The following EBF1 variants were observed in gnomAD, a reference collection of about 807,000 sequenced individuals.
EBF1 encodes transcription factor COE1.
EBF1 carries 10 observed loss-of-function variants against 68.4 expected under a neutral mutation model. The observed-to-expected ratio is 0.15, with a 90% confidence interval of 0.09 to 0.25. The LOEUF is 0.25. Among genes scored for constraint, EBF1 ranks in the 10% least tolerant of loss-of-function variants. EBF1 has a pLI of 1.00. For synonymous variants in EBF1, 298 were observed against 299.8 expected, an observed-to-expected ratio of 0.99 and a Z score of 0.06; for missense variants, 509 against 794.4, an observed-to-expected ratio of 0.64 and a Z score of 4.32.
At position 158,727,246 on chromosome 5, in the gene EBF1, C is replaced by T. The variant is rs115907251; in HGVS notation, c.1125+3823G>A. ...TAGGATTCACAGCTGACACGCCTGA[C>T]GCCAGCTAAGCTCAGGGCTCACTCT... On this transcript the variant is annotated intron_variant, in intron 11 of 15. Coordinates refer to ENST00000313708, the MANE Select transcript of EBF1 (RefSeq NM_024007.5). 7.0e-3 allele frequency among the ~76,000 whole-genome samples: 1,069 copies of T among 152,286 alleles called. 5 individuals are homozygous for T. The highest frequency in any genetic ancestry group is 0.016 in the African/African-American group (648 of 41,560).
chr5:159,081,075 G>C (rs1392681838), intron 5 of EBF1, among the ~76,000 whole-genome samples: 1 of 152,108 alleles, frequency 6.6e-6, no homozygotes, highest in African/African-American at 2.4e-5. Flanking sequence ...GGATCTCCTG[G>C]GCTCAAGCGA....
intron 8 of EBF1, among the ~76,000 whole-genome samples, chr5:158,822,388 C>T (rs984270819): frequency 2.0e-5 from 3 of 152,204 alleles, no homozygotes; most frequent in Non-Finnish European, 4.4e-5. Context: ...ATATATTACA[C>T]ACACACATGC....
intron 6 of EBF1, among the ~76,000 whole-genome samples, chr5:158,879,295 A>C (rs1218469557): frequency 1.3e-5 from 2 of 152,198 alleles, no homozygotes; most frequent in Non-Finnish European, 1.5e-5. Flanking sequence ...ATATGATTCT[A>C]CCATACACAG....
intron 6 of EBF1, among the ~76,000 whole-genome samples, chr5:159,057,400 G>A (rs940129505): frequency 3.9e-5 from 6 of 152,106 alleles, no homozygotes; most frequent in African/African-American, 7.2e-5. Flanking sequence ...GAGCCACCGC[G>A]CCTGACGGAC....
intron 10 of EBF1, among the ~76,000 whole-genome samples, chr5:158,767,708 G>A (rs1773045983): frequency 6.6e-6 from 1 of 152,002 alleles, no homozygotes; most frequent in Non-Finnish European, 1.5e-5. Flanking sequence ...TGAAAAAAAA[G>A]GTGTGGAATA....
chr5:158,963,655 T>G (rs1451708931), intron 6 of EBF1, among the ~76,000 whole-genome samples: 2 of 152,164 alleles, frequency 1.3e-5, no homozygotes, highest in Non-Finnish European at 2.9e-5. Context: ...CCTTTGTAAC[T>G]TGGGTAGGAA....
chr5:159,024,880 C>T (rs1198417254), intron 6 of EBF1, among the ~76,000 whole-genome samples: 1 of 152,196 alleles, frequency 6.6e-6, no homozygotes, highest in Non-Finnish European at 1.5e-5. Flanking sequence ...GGCCAGCCAT[C>T]AACCAGTTAA....
At chr5:159,050,464 G>A (rs1773362170) in intron 6 of EBF1, among the ~76,000 whole-genome samples, 1 of 152,172 alleles carries the variant, frequency 6.6e-6, no homozygotes, top group Admixed American at 6.5e-5. Context: ...TGTACGTGGT[G>A]TGGGTGTGAT....
chr5:159,048,978 A>G (rs10515786), intron 6 of EBF1, among the ~76,000 whole-genome samples: 53,624 of 152,108 alleles, frequency 0.35, 10,116 homozygotes, highest in East Asian at 0.51. Flanking sequence ...CTTCTTCACA[A>G]GTAGTAAAAA....
intron 6 of EBF1, among the ~76,000 whole-genome samples, chr5:158,948,261 G>A (rs1815250018): frequency 6.6e-6 from 1 of 152,084 alleles, no homozygotes. Context: ...ATGTAGGGGA[G>A]GCCCGAGGGC....
At chr5:158,937,627 CAACCT>C (rs965213009) in intron 6 of EBF1, among the ~76,000 whole-genome samples, 2 of 152,202 alleles carry the variant, frequency 1.3e-5, no homozygotes, top group Admixed American at 1.3e-4. Flanking sequence ...AATATCAGGG[CAACCT>C]TCTTAAGAGC....
intron 15 of EBF1, among the ~76,000 whole-genome samples, chr5:158,700,882 C>T (rs1022724099): frequency 1.3e-5 from 2 of 152,144 alleles, no homozygotes; most frequent in African/African-American, 4.8e-5. Context: ...CAAACGCAGA[C>T]CAACTTAAAC....
At chr5:158,761,905 T>C (rs773477071) in intron 10 of EBF1, among the ~76,000 whole-genome samples, 1 of 152,222 alleles carries the variant, frequency 6.6e-6, no homozygotes, top group Non-Finnish European at 1.5e-5. Context: ...TATGGAACTT[T>C]ATAAGAATAG....
At chr5:158,858,945 T>C (rs17056318) in intron 6 of EBF1, among the ~76,000 whole-genome samples, 8,020 of 152,234 alleles carry the variant, frequency 0.053, 293 homozygotes, top group Non-Finnish European at 0.071. Flanking sequence ...TCTTGGCTCC[T>C]TAGACAGTGA....
intron 6 of EBF1, among the ~76,000 whole-genome samples, chr5:158,906,019 G>A (rs920051294): frequency 4.6e-5 from 7 of 152,030 alleles, no homozygotes; most frequent in African/African-American, 1.5e-4. Flanking sequence ...TTTCAATCAC[G>A]TATGCTTTTA....
At chr5:159,090,832 T>A (rs1781497592) in intron 4 of EBF1, among the ~76,000 whole-genome samples, 1 of 151,810 alleles carries the variant, frequency 6.6e-6, no homozygotes, top group South Asian at 2.1e-4. Flanking sequence ...ATAATAATAA[T>A]AAAAGCATCT....
At chr5:158,943,026 G>C (rs958672593) in intron 6 of EBF1, among the ~76,000 whole-genome samples, 2 of 129,824 alleles carry the variant, frequency 1.5e-5, no homozygotes, top group South Asian at 3.1e-4. Flanking sequence ...AGGGAGGGAG[G>C]GGGGAAGGAA....
intron 6 of EBF1, among the ~76,000 whole-genome samples, chr5:158,905,108 CTT>C (rs1246704643): frequency 6.6e-6 from 1 of 152,202 alleles, no homozygotes; most frequent in Non-Finnish European, 1.5e-5. Flanking sequence ...TAGCAGAAAA[CTT>C]TAACTGGAAT....
intron 11 of EBF1, 84 bp downstream of exon 11, chr5:158,730,985 G>T: frequency 7.8e-7 from 1 of 1,278,012 alleles, no homozygotes; most frequent in Non-Finnish European, 1.1e-6. Flanking sequence ...GTTTACCTGT[G>T]AACTAATTTT....
Sources: gnomAD v4.1 joint callset for allele counts (sites outside exome capture counted in the v4.1 genomes callset) on GRCh38, gnomAD v4.1.1 for gene constraint, MANE v1.5 for transcripts, NCBI Gene and HGNC (gene_info 2026-07-23, HGNC 2026-07-21) for gene names.